SRGAP1: variants seen among roughly 807,000 people sequenced by gnomAD.
The protein encoded by SRGAP1 is SLIT-ROBO Rho GTPase activating protein 1.
SRGAP1 carries 43 observed loss-of-function variants against 121.9 expected under a neutral mutation model. That is an observed-to-expected ratio of 0.35 (90% CI 0.28 to 0.46). The LOEUF (loss-of-function observed/expected upper bound fraction) is 0.46, where lower values mean the gene tolerates loss of function less well. Ranked by LOEUF, SRGAP1 falls within the 20% of genes least tolerant of loss-of-function variation. The pLI is 1.00. For missense variants in SRGAP1, 1,102 were observed against 1,350.9 expected, an observed-to-expected ratio of 0.82 and a Z score of 2.89; for synonymous variants, 447 against 485.4, an observed-to-expected ratio of 0.92 and a Z score of 1.04.
chr12:63,895,051 A>G lies in SRGAP1; in HGVS notation c.67+50168A>G, dbSNP rs191217660. ...AGTTCTAGATCCTTGAGGAATCGCC[A>G]CACTGTCTTCCACAATGGTCGAACT... On this transcript the variant is annotated intron_variant, in intron 1 of 21. Coordinates refer to ENST00000355086, the MANE Select transcript of SRGAP1 (RefSeq NM_020762.4). Among the ~76,000 whole-genome samples the G allele has an allele frequency of 2.0e-3, 309 of 152,330 alleles. 2 individuals carry two copies. Among genetic ancestry groups the G allele is most frequent in the Non-Finnish European group, 3.2e-3 (220 of 68,032 alleles).
At chr12:64,019,194 C>T (rs1044735688) in intron 4 of SRGAP1, among the ~76,000 whole-genome samples, 1 of 152,154 alleles carries the variant, frequency 6.6e-6, no homozygotes, top group African/African-American at 2.4e-5. Flanking sequence ...AATTTTATCT[C>T]AGTGAGAGAT....
chr12:63,973,879 A>G (rs2033024666), intron 1 of SRGAP1, among the ~76,000 whole-genome samples: 1 of 152,238 alleles, frequency 6.6e-6, no homozygotes, highest in South Asian at 2.1e-4. Flanking sequence ...GTATCAGGAA[A>G]GAATGTCAAT....
chr12:63,944,920 G>A (rs950313672), intron 1 of SRGAP1, among the ~76,000 whole-genome samples: 3 of 152,116 alleles, frequency 2.0e-5, no homozygotes, highest in African/African-American at 4.8e-5. Context: ...AGCAAGCACC[G>A]CTTCCTAGGT....
intron 6 of SRGAP1, among the ~76,000 whole-genome samples, chr12:64,049,143 A>C (rs1327093316): frequency 6.6e-6 from 1 of 152,140 alleles, no homozygotes. Flanking sequence ...AAAGTCTTAG[A>C]TTTAAGTCTT....
rs2037135158 is a variant in SRGAP1 at position 64,153,166 on chromosome 12, A to T, written c.*10494A>T. ...GGAAGAGAAAGACCCAAGCAGAAGG[A>T]ACTGCACATGGGAAAACAGGACCAT... On this transcript the variant is annotated 3_prime_UTR_variant, in exon 22 of 22. Transcript: ENST00000355086. The T allele has an allele frequency of 6.6e-6, 1 of 151,908 alleles. No individual in the cohort carries two copies. Among genetic ancestry groups the T allele is most frequent in the Non-Finnish European group, 1.5e-5 (1 of 68,068 alleles). The allele number at this position is 151,908 out of a possible 1,614,324, so 9.4% of individuals were successfully genotyped here.
chr12:64,087,897 A>G (rs2035978279), intron 11 of SRGAP1, among the ~76,000 whole-genome samples: 1 of 152,190 alleles, frequency 6.6e-6, no homozygotes, highest in African/African-American at 2.4e-5. Context: ...TTGTGAAGCT[A>G]CTACAAGAAA....
chr12:63,859,978 A>C (rs994532536), intron 1 of SRGAP1, among the ~76,000 whole-genome samples: 1 of 152,124 alleles, frequency 6.6e-6, no homozygotes, highest in Admixed American at 6.6e-5. Context: ...TCTTTGACTC[A>C]TGAGGTGTGT....
At chr12:63,884,042 G>A (rs1459377485) in intron 1 of SRGAP1, among the ~76,000 whole-genome samples, 9 of 122 alleles carry the variant, frequency 0.074, no homozygotes, top group Non-Finnish European at 0.17. Context: ...CCAGCACTTC[G>A]GGAGGCTAGG....
intron 1 of SRGAP1, among the ~76,000 whole-genome samples, chr12:63,892,458 C>G (rs1900618699): frequency 6.6e-6 from 1 of 152,210 alleles, no homozygotes; most frequent in Non-Finnish European, 1.5e-5. Context: ...ATATTCATCT[C>G]TCACTTTTCT....
intron 1 of SRGAP1, among the ~76,000 whole-genome samples, chr12:63,960,900 G>A (rs537254009): frequency 1.3e-5 from 2 of 152,256 alleles, no homozygotes; most frequent in South Asian, 2.1e-4. Context: ...TCCAGAAGTC[G>A]CTAGCCTTCC....
chr12:63,940,972 A>G (rs1042700965), intron 1 of SRGAP1, among the ~76,000 whole-genome samples: 42 of 152,260 alleles, frequency 2.8e-4, no homozygotes, highest in Admixed American at 2.2e-3. Flanking sequence ...TCTAGATGAG[A>G]GCTGGGATTG....
At chr12:63,965,598 G>A (rs571036968) in intron 1 of SRGAP1, among the ~76,000 whole-genome samples, 17 of 152,110 alleles carry the variant, frequency 1.1e-4, no homozygotes, top group Non-Finnish European at 1.9e-4. Context: ...TTAAAGCCAG[G>A]AGTTCAAGAC....
chr12:64,076,841 A>C (rs1178139515), intron 8 of SRGAP1, among the ~76,000 whole-genome samples: 1 of 151,994 alleles, frequency 6.6e-6, no homozygotes. Flanking sequence ...ACAGGGTTTC[A>C]CCATATTGGC....
intron 4 of SRGAP1, among the ~76,000 whole-genome samples, chr12:64,039,861 T>G (rs574316884): frequency 6.6e-6 from 1 of 152,232 alleles, no homozygotes; most frequent in South Asian, 2.1e-4. Context: ...CCTACTGCTA[T>G]TTTATTTTGC....
chr12:64,082,001 C>CTTTTTTTATTTTTTTT (rs2035853313), intron 10 of SRGAP1: 1 of 66,124 alleles, frequency 1.5e-5, no homozygotes, highest in Non-Finnish European at 2.5e-5. Context: ...CATGTAAGGT[C>CTTTTTTTATTTTTTTT]TTTTTTTTTT....
chr12:64,007,908 T>G (rs2034135097), intron 3 of SRGAP1, among the ~76,000 whole-genome samples: 1 of 152,208 alleles, frequency 6.6e-6, no homozygotes, highest in Non-Finnish European at 1.5e-5. Context: ...TATGTTGAGT[T>G]GACTAAGACA....
chr12:63,993,048 AAG>A (rs2033597657), intron 3 of SRGAP1, among the ~76,000 whole-genome samples: 1 of 152,224 alleles, frequency 6.6e-6, no homozygotes, highest in Non-Finnish European at 1.5e-5. Flanking sequence ...AGGAAAGAAC[AAG>A]AGAGGCAAAG....
In SRGAP1 at chr12:64,141,287, A is replaced by AAAAAG. The variant is rs150192768; in HGVS notation, c.2881-1005_2881-1004insAGAAA. On this transcript the variant is annotated intron_variant, in intron 21 of 21. Transcript: ENST00000355086. ...TAAAGTATAATAAAAAAAAAAAAAA[A>AAAAAG]AAAGAAAAACTTGGCCCGGCACGGT... Among the ~76,000 whole-genome samples the AAAAAG allele has an allele frequency of 8.6e-4, 124 of 144,680 alleles. 1 individual carries two copies. The highest frequency in any genetic ancestry group is 7.2e-3 in the Middle Eastern group (2 of 276). The allele number at this position is 144,680 out of a possible 152,430, so 94.9% of individuals were successfully genotyped here. A position where few individuals can be genotyped will look rare whatever the true frequency, so the allele number is the denominator to read the frequency against.
chr12:63,862,677 A>G (rs1020660860), intron 1 of SRGAP1, among the ~76,000 whole-genome samples: 1 of 152,212 alleles, frequency 6.6e-6, no homozygotes, highest in African/African-American at 2.4e-5. Context: ...AGTATTTACC[A>G]AGGAGAAGGA....
Sources: gnomAD v4.1 joint callset for allele counts (sites outside exome capture counted in the v4.1 genomes callset) on GRCh38, gnomAD v4.1.1 for gene constraint, MANE v1.5 for transcripts, NCBI Gene and HGNC (gene_info 2026-07-23, HGNC 2026-07-21) for gene names.